Variants in DNMT1 observed in about 807,000 individuals in gnomAD.
DNMT1 encodes the protein DNA methyltransferase 1.
A neutral mutation model predicts 205.3 loss-of-function variants in DNMT1; 24 were observed. The ratio of observed to expected loss-of-function variants is 0.12; its 90% CI spans 0.08 to 0.16. The LOEUF (loss-of-function observed/expected upper bound fraction) is 0.16, where lower values mean the gene tolerates loss of function less well. Ranked by LOEUF, DNMT1 falls within the 10% of genes least tolerant of loss-of-function variation. The pLI is 1.00. For missense variants in DNMT1, 1,293 were observed against 2,177.7 expected (o/e 0.59, Z 8.09); for synonymous variants, 817 against 839.8 (o/e 0.97, Z 0.47).
In DNMT1 at chr19:10,151,693, C is replaced by T; in HGVS notation, c.2117+57G>A. 1 of 1,608,832 alleles carries T rather than the reference C, an allele frequency of 6.2e-7. No homozygotes were observed. On this transcript the variant is annotated intron_variant, in intron 23 of 40. Transcript: ENST00000359526. The surrounding 1 kb of genome is among the most constrained non-coding windows in gnomAD (Gnocchi z 5.0). ...CACATGCAGGCCCTTCTCCACAGTG[C>T]ATCTGCCACCAGCTGGCAAGTCCTC...
Position 10,149,418 on chromosome 19 carries a change from A to G in DNMT1, c.2586+35T>C, listed in dbSNP as rs770639160. On this transcript the variant is annotated intron_variant, in intron 26 of 40. Coordinates refer to ENST00000359526, the MANE Select transcript of DNMT1 (RefSeq NM_001130823.3). ...CACGTCAGCAGTGACCCTCCACGATAAGGCAGGGGCTCACGAGGGACACCA... is the reference window on the plus strand; with the variant it reads ...CACGTCAGCAGTGACCCTCCACGATGAGGCAGGGGCTCACGAGGGACACCA... The G allele has an allele frequency of 7.5e-6, 12 of 1,610,410 alleles. No individual in the cohort carries two copies. The Admixed American group carries it at 1.7e-4, about 22-fold the overall frequency.
intron 1 of DNMT1, among the ~76,000 whole-genome samples, chr19:10,189,412 C>T (rs1345426707): frequency 3.3e-5 from 5 of 149,710 alleles, no homozygotes; most frequent in Non-Finnish European, 3.0e-5. Flanking sequence ...TGAGCCACCA[C>T]GCCCAGCTGA....
At chr19:10,148,510 A>G (rs1405446070) in intron 27 of DNMT1, among the ~76,000 whole-genome samples, 1 of 146,862 alleles carries the variant, frequency 6.8e-6, no homozygotes, top group Admixed American at 6.8e-5. Context: ...AAAAAAAAAG[A>G]AAAAAAAAAA....
chr19:10,154,694 T>C lies in DNMT1; in HGVS notation c.1724A>G (p.Glu575Gly). ...SLLRHAQFVVEQVESYDEAGD... is the reference protein window; with the variant it reads ...SLLRHAQFVVGQVESYDEAGD... ...GGCCTCGTCATAACTCTCCACCTGCTCCACCACAAACTGCGCGTGTCGCAG... is the reference window on the plus strand; with the variant it reads ...GGCCTCGTCATAACTCTCCACCTGCCCCACCACAAACTGCGCGTGTCGCAG... The change falls in exon 21 of 41, where the codon GAG (glutamate) becomes GGG (glycine). Residue 575 changes from glutamate (E) to glycine (G), a missense_variant. By Grantham distance (98) the Glu-to-Gly change is moderately conservative. Transcript: ENST00000359526. The surrounding 1 kb of genome is among the most constrained non-coding windows in gnomAD (Gnocchi z 6.3). 1 of 1,614,216 alleles carries C rather than the reference T, an allele frequency of 6.2e-7. No homozygotes were observed. Among genetic ancestry groups the C allele is most frequent in the Non-Finnish European group, 8.5e-7 (1 of 1,180,046 alleles).
intron 10 of DNMT1, 30 bp downstream of exon 10, chr19:10,168,300 A>C: frequency 6.2e-7 from 1 of 1,613,964 alleles, no homozygotes; most frequent in Non-Finnish European, 8.5e-7. Context: ...GTTTCACAAC[A>C]AAGCACAAAG....
chr19:10,133,746 G>A lies in DNMT1; in HGVS notation c.4865-45C>T. On this transcript the variant is annotated intron_variant, in intron 40 of 40. Coordinates refer to ENST00000359526, the MANE Select transcript of DNMT1 (RefSeq NM_001130823.3). This position sits in a 1 kb window ranked among gnomAD's most constrained non-coding sequence, Gnocchi z 4.1. ...AAAGTCACTCTGGGGAACACGCCCG[G>A]TGTCACGCCACTTGACAGGCGAGTA... The A allele has an allele frequency of 6.4e-7, 1 of 1,560,288 alleles. No individual in the cohort carries two copies. The highest frequency in any genetic ancestry group is 8.7e-7 in the Non-Finnish European group (1 of 1,149,974).
rs1568241040 is a variant in DNMT1, at chr19:10,163,311, A to C, written c.926+15T>G. Reference sequence around the variant, plus strand: ...ATCCAGATGACACAAAAGCACAAGCATTTTAAACACTTACAGATCTTTGGG... The same window carrying C: ...ATCCAGATGACACAAAAGCACAAGCCTTTTAAACACTTACAGATCTTTGGG... On this transcript the variant is annotated intron_variant, in intron 12 of 40. Transcript: ENST00000359526. 1.9e-6 allele frequency: 3 copies of C among 1,613,844 alleles called. No homozygotes were observed. The East Asian group carries it at 6.7e-5, about 36-fold the overall frequency.
At chr19:10,161,024 G>A (rs947751978) in intron 13 of DNMT1, among the ~76,000 whole-genome samples, 2 of 151,508 alleles carry the variant, frequency 1.3e-5, no homozygotes, top group Non-Finnish European at 2.9e-5. Flanking sequence ...GCCAGGCACA[G>A]GGCCGGGCGC....
chr19:10,190,531 G>C (rs1039539671), intron 1 of DNMT1, among the ~76,000 whole-genome samples: 1 of 152,058 alleles, frequency 6.6e-6, no homozygotes, highest in African/African-American at 2.4e-5. Context: ...GCGGGGCTGA[G>C]GCAGGCGAAT....
Position 10,138,448 on chromosome 19 carries a change from T to C in DNMT1, c.4106A>G (p.Asn1369Ser), listed in dbSNP as rs1265788604. 1 of 1,613,876 alleles carries C rather than the reference T, an allele frequency of 6.2e-7. No homozygotes were observed. The highest frequency in any genetic ancestry group is 8.5e-7 in the Non-Finnish European group (1 of 1,180,046). ...VVVDDKKFVS[N>S]ITRLSSGPFR... is the part of the protein sequence containing the mutation. Reference sequence around the variant, plus strand: ...GACGGGGGCCACCTACCTGGTTATGTTGCTCACAAACTTCTTGTCATCCAC... The same window carrying C: ...GACGGGGGCCACCTACCTGGTTATGCTGCTCACAAACTTCTTGTCATCCAC... Residue 1369 changes from asparagine (N) to serine (S), a missense_variant, in exon 35 of 41, where the codon AAC becomes AGC. By Grantham distance (46) the Asn-to-Ser change is conservative (BLOSUM62 1). Around this residue, in one of 13 missense-constraint regions of DNMT1, gnomAD observed 148 missense variants for 256.1 expected, o/e 0.58. Coordinates refer to ENST00000359526, the MANE Select transcript of DNMT1 (RefSeq NM_001130823.3). This position sits in a 1 kb window ranked among gnomAD's most constrained non-coding sequence, Gnocchi z 4.1.
intron 28 of DNMT1, chr19:10,144,433 C>T: frequency 4.0e-6 from 1 of 252,830 alleles, no homozygotes; most frequent in South Asian, 4.8e-5. Flanking sequence ...AAAGATTTAG[C>T]TGCAGATTTA....
At chr19:10,135,475 C>T in intron 39 of DNMT1, 1 of 519,772 alleles carries the variant, frequency 1.9e-6, no homozygotes, top group Non-Finnish European at 3.5e-6. Context: ...TTTTAGCCTG[C>T]TCCTTTAGCG....
At chr19:10,150,066 G>A (rs939716671) in intron 24 of DNMT1, 98 bp from the exon 25 acceptor site, 18 of 1,029,384 alleles carry the variant, frequency 1.7e-5, no homozygotes, top group African/African-American at 4.7e-5. Context: ...GACATGACTC[G>A]ATTTCATTAA....
chr19:10,135,776 G>T lies in DNMT1; in HGVS notation c.4733C>A (p.Thr1578Asn). The T allele has an allele frequency of 6.2e-7, 1 of 1,602,324 alleles. No individual in the cohort carries two copies. Among genetic ancestry groups the T allele is most frequent in the Non-Finnish European group, 8.5e-7 (1 of 1,175,740 alleles). Residue 1578 changes from threonine to asparagine, a missense_variant, in exon 39 of 41, where the codon ACC (threonine) becomes AAC (asparagine). Transcript: ENST00000359526. ...ECARSQGFPDTYRLFGNILDK... is the reference protein window; with the variant it reads ...ECARSQGFPDNYRLFGNILDK... ...CAGGATGTTGCCGAAGAGCCGGTAG[G>T]TGTCAGGGAAGCCCTGGGAGCGGGC...
intron 11 of DNMT1, among the ~76,000 whole-genome samples, chr19:10,164,670 A>G (rs1199736051): frequency 6.6e-6 from 1 of 151,904 alleles, no homozygotes; most frequent in Non-Finnish European, 1.5e-5. Context: ...CCTCACACAC[A>G]TAATCCCAGC....
At chr19:10,161,376 C>G (rs1004866650) in intron 13 of DNMT1, among the ~76,000 whole-genome samples, 14 of 152,124 alleles carry the variant, frequency 9.2e-5, no homozygotes, top group African/African-American at 3.4e-4. Context: ...TGGCCAGGCA[C>G]AGTGGCCCAT....
chr19:10,146,450 T>C lies in DNMT1; in HGVS notation c.2795A>G (p.Asp932Gly). ...GTAGTAGAGGACCCGGCTATCCAGG[T>C]CCTCGAGCTGCTCCAGGACCCTGGG... is the stretch of plus-strand genomic sequence containing the variant. ...EIPRVLEQLEDLDSRVLYYSA... is the reference protein window; with the variant it reads ...EIPRVLEQLEGLDSRVLYYSA... Residue 932 changes from aspartate (D) to glycine (G), a missense_variant, in exon 28 of 41, where the codon GAC (aspartate) becomes GGC (glycine). Transcript: ENST00000359526. The surrounding 1 kb of genome is among the most constrained non-coding windows in gnomAD (Gnocchi z 4.4). 1 of 1,613,956 alleles carries C rather than the reference T, an allele frequency of 6.2e-7. No homozygotes were observed.
chr19:10,152,292 G>A (rs1555691027), intron 22 of DNMT1, among the ~76,000 whole-genome samples: 2 of 144,766 alleles, frequency 1.4e-5, no homozygotes, highest in Non-Finnish European at 3.0e-5. Context: ...AAAAAAGTGA[G>A]TCACACAGCC....
intron 6 of DNMT1, 33 bp from the exon 7 acceptor site, chr19:10,175,651 A>C (rs2038925933): frequency 1.9e-6 from 3 of 1,611,246 alleles, no homozygotes; most frequent in Non-Finnish European, 2.5e-6. Flanking sequence ...CCATTAGTGG[A>C]ACAAGACCCT....
Sources: allele counts gnomAD v4.1 joint callset (sites outside exome capture counted in the v4.1 genomes callset), GRCh38; gene constraint gnomAD v4.1.1; regional missense constraint gnomAD v4.1.1; non-coding constraint Gnocchi (gnomAD v3.1); transcripts MANE v1.5; gene names NCBI Gene and HGNC (gene_info 2026-07-23, HGNC 2026-07-21).